Variants in INPP5A observed in about 807,000 individuals in gnomAD.
INPP5A encodes inositol polyphosphate-5-phosphatase A, also known as 43 kDa inositol polyphosphate 5-phophatase.
Under a neutral mutation model 65.2 loss-of-function variants are expected in INPP5A, and 14 were observed. That is an observed-to-expected ratio of 0.21 (90% confidence interval 0.14 to 0.34). The LOEUF (loss-of-function observed/expected upper bound fraction) is 0.34. INPP5A is among the 10% of genes least tolerant of loss of function. The pLI, the probability that INPP5A is intolerant of heterozygous loss-of-function variation, is 1.00. For missense variants in INPP5A, 431 were observed against 545.6 expected (o/e 0.79, Z 2.09); for synonymous variants, 207 against 208.3 (o/e 0.99, Z 0.05).
At chr10:132,680,057 A>G (rs1489992541) in intron 4 of INPP5A, among the ~76,000 whole-genome samples, 1 of 152,264 alleles carries the variant, frequency 6.6e-6, no homozygotes, top group African/African-American at 2.4e-5. Flanking sequence ...GATTTCTCAG[A>G]CGCAGCACCA....
At chr10:132,573,572 A>T (rs1446136429) in intron 1 of INPP5A, among the ~76,000 whole-genome samples, 1 of 72,782 alleles carries the variant, frequency 1.4e-5, no homozygotes, top group Non-Finnish European at 2.6e-5. Context: ...GGTTTTGTTG[A>T]GATGTTGGGG....
chr10:132,582,658 C>T (rs751385149), intron 1 of INPP5A, among the ~76,000 whole-genome samples: 1 of 152,208 alleles, frequency 6.6e-6, no homozygotes, highest in Non-Finnish European at 1.5e-5. Context: ...TGGGCTCAAG[C>T]AGCCCTCCTG....
chr10:132,540,899 G>A (rs535102827), intron 1 of INPP5A, among the ~76,000 whole-genome samples: 13 of 152,300 alleles, frequency 8.5e-5, no homozygotes, highest in African/African-American at 2.6e-4. Context: ...GGACTGTGGC[G>A]GACTCTGTTT....
At chr10:132,649,279 G>A (rs1243798467) in intron 3 of INPP5A, among the ~76,000 whole-genome samples, 1 of 152,158 alleles carries the variant, frequency 6.6e-6, no homozygotes, top group Non-Finnish European at 1.5e-5. Flanking sequence ...TCCTTTCGCT[G>A]TCTGGTCACA....
intron 8 of INPP5A, among the ~76,000 whole-genome samples, chr10:132,713,033 TGC>T (rs893113453): frequency 1.3e-5 from 2 of 151,496 alleles, no homozygotes; most frequent in African/African-American, 2.4e-5. Context: ...TATGTATGTG[TGC>T]GTGTGTGTGG....
chr10:132,646,907 C>T lies in INPP5A; in HGVS notation c.218+939C>T, dbSNP rs575703930. On this transcript the variant is annotated intron_variant, in intron 3 of 15. Transcript: ENST00000368594. ...GCCACCCGGAGTCGGGACCTGTGGG[C>T]AGAGCCGTCGAGCCCTCCCGGCCTG... Among the ~76,000 whole-genome samples the T allele has an allele frequency of 3.3e-5, 5 of 152,320 alleles. No homozygotes were observed. The East Asian group carries it at 5.8e-4, about 18-fold the overall frequency.
intron 8 of INPP5A, among the ~76,000 whole-genome samples, chr10:132,720,641 A>G (rs1309284165): frequency 8.0e-3 from 686 of 85,738 alleles, no homozygotes; most frequent in Middle Eastern, 0.036. Context: ...CTGTCTGGGC[A>G]CCTTAGACGG....
chr10:132,647,005 G>T (rs552244682), intron 3 of INPP5A, among the ~76,000 whole-genome samples: 1 of 152,122 alleles, frequency 6.6e-6, no homozygotes, highest in Non-Finnish European at 1.5e-5. Context: ...TAAGCCCTCC[G>T]TGTTGAACTC....
chr10:132,556,988 T>G (rs1484236794), intron 1 of INPP5A, among the ~76,000 whole-genome samples: 1 of 152,224 alleles, frequency 6.6e-6, no homozygotes, highest in East Asian at 1.9e-4. Context: ...GGTCACTTTC[T>G]GTGGCACTCT....
At chr10:132,548,548 T>A (rs894894958) in intron 1 of INPP5A, among the ~76,000 whole-genome samples, 1 of 152,164 alleles carries the variant, frequency 6.6e-6, no homozygotes, top group South Asian at 2.1e-4. Context: ...TCACTGACTT[T>A]GAGAAAATAT....
intron 8 of INPP5A, among the ~76,000 whole-genome samples, chr10:132,721,703 C>T (rs1740132739): frequency 7.0e-6 from 1 of 143,344 alleles, no homozygotes; most frequent in African/African-American, 3.0e-5. Context: ...TCTGTGGTGC[C>T]TGGGTTCTGT....
At position 132,538,004 on chromosome 10, in the gene INPP5A, C is replaced by T; in HGVS notation, c.-93C>T. 1.9e-6 allele frequency: 1 copy of T among 524,000 alleles called. No homozygotes were observed. The highest frequency in any genetic ancestry group is 7.6e-5 in the South Asian group (1 of 13,110). The allele number at this position is 524,000 out of a possible 1,614,324, so 32.5% of individuals were successfully genotyped here. On this transcript the variant is annotated 5_prime_UTR_variant, in exon 1 of 16. Transcript: ENST00000368594. This position sits in a 1 kb window ranked among gnomAD's most constrained non-coding sequence, Gnocchi z 4.1. ...GGCCGCCCCCCGGCGCAGCTGACGC[C>T]CCGCGGCCCCGCGAAGACCCCGGCC...
intron 1 of INPP5A, among the ~76,000 whole-genome samples, chr10:132,552,046 C>A (rs1469733008): frequency 1.3e-5 from 2 of 152,238 alleles, no homozygotes; most frequent in Non-Finnish European, 2.9e-5. Flanking sequence ...ATCCTTGTCT[C>A]CCATTCACTC....
chr10:132,556,680 G>T (rs2071131498), intron 1 of INPP5A, among the ~76,000 whole-genome samples: 1 of 152,080 alleles, frequency 6.6e-6, no homozygotes, highest in South Asian at 2.1e-4. Flanking sequence ...CTTTTGTTGT[G>T]GTCAGGCTTT....
chr10:132,620,726 C>T (rs956648627), intron 2 of INPP5A, among the ~76,000 whole-genome samples: 1 of 152,018 alleles, frequency 6.6e-6, no homozygotes, highest in Non-Finnish European at 1.5e-5. Flanking sequence ...TAAAAATTTG[C>T]CCATTACCTT....
intron 1 of INPP5A, 129 bp from the exon 2 acceptor site, chr10:132,607,785 CT>C (rs778086457): frequency 3.4e-5 from 30 of 888,544 alleles, no homozygotes; most frequent in Middle Eastern, 3.3e-4. Flanking sequence ...GGTGGAGCTC[CT>C]CCATGCGGGG....
intron 9 of INPP5A, among the ~76,000 whole-genome samples, chr10:132,749,198 C>T (rs1459605160): frequency 6.6e-6 from 1 of 152,256 alleles, no homozygotes; most frequent in Non-Finnish European, 1.5e-5. Flanking sequence ...TTGCTGTTCT[C>T]AGTGCTGCTG....
intron 3 of INPP5A, among the ~76,000 whole-genome samples, chr10:132,646,848 T>A (rs1256610927): frequency 1.3e-5 from 2 of 152,042 alleles, no homozygotes; most frequent in Non-Finnish European, 2.9e-5. Flanking sequence ...GCTCTGTGGG[T>A]TGACGCTGCT....
intron 1 of INPP5A, among the ~76,000 whole-genome samples, chr10:132,567,218 C>T (rs2071283971): frequency 6.6e-6 from 1 of 152,230 alleles, no homozygotes; most frequent in South Asian, 2.1e-4. Context: ...CTGTCAGATT[C>T]TCATCCCACA....
Sources: gnomAD v4.1 joint callset for allele counts (sites outside exome capture counted in the v4.1 genomes callset) on GRCh38, gnomAD v4.1.1 for gene constraint, Gnocchi (gnomAD v3.1) non-coding constraint, MANE v1.5 for transcripts, NCBI Gene and HGNC (gene_info 2026-07-23, HGNC 2026-07-21) for gene names.